PHKA1: variants seen among roughly 807,000 people sequenced by gnomAD.
PHKA1 encodes phosphorylase kinase regulatory subunit alpha 1, also known as phosphorylase b kinase regulatory subunit alpha, skeletal muscle isoform.
A neutral mutation model predicts 110.2 loss-of-function variants in PHKA1; 60 were observed. That is an observed-to-expected ratio of 0.54 (90% CI 0.44 to 0.68). The LOEUF (loss-of-function observed/expected upper bound fraction) is 0.68. Among genes scored for constraint, PHKA1 ranks in the 30% least tolerant of loss-of-function variants. The pLI, the probability that PHKA1 is intolerant of heterozygous loss-of-function variation, is 0.00. For missense variants in PHKA1, 801 were observed against 942.5 expected, an observed-to-expected ratio of 0.85 and a Z score of 1.97; for synonymous variants, 316 against 333.6, an observed-to-expected ratio of 0.95 and a Z score of 0.58.
intron 4 of PHKA1, among the ~76,000 whole-genome samples, chrX:72,685,830 C>G (rs1405030883): frequency 1.8e-5 from 2 of 111,760 alleles, no homozygotes; most frequent in Non-Finnish European, 3.8e-5. Context: ...AACTTTTAAG[C>G]TTCTCATATT....
intron 17 of PHKA1, among the ~76,000 whole-genome samples, chrX:72,624,464 T>G (rs58654103): frequency 2.7e-5 from 3 of 111,167 alleles, no homozygotes; most frequent in African/African-American, 9.8e-5. Flanking sequence ...TATGCCAATA[T>G]GCCACAGTGA....
At chrX:72,679,347 C>A (rs2053815529) in intron 5 of PHKA1, among the ~76,000 whole-genome samples, 1 of 108,868 alleles carries the variant, frequency 9.2e-6, no homozygotes, top group African/African-American at 3.4e-5. Context: ...CTGAACAAAG[C>A]TCGGGAATAT....
chrX:72,582,876 A>G (rs1382465292), intron 30 of PHKA1, among the ~76,000 whole-genome samples: 1 of 111,874 alleles, frequency 8.9e-6, no homozygotes, highest in African/African-American at 3.3e-5. Context: ...TCCATATAGA[A>G]GAGTACTTAT....
chrX:72,655,444 G>A (rs1490672036), intron 10 of PHKA1, among the ~76,000 whole-genome samples: 1 of 111,247 alleles, frequency 9.0e-6, no homozygotes, highest in Non-Finnish European at 1.9e-5. Flanking sequence ...GATTGCATAC[G>A]TATCATTATA....
At chrX:72,617,988 C>T (rs965843265) in intron 21 of PHKA1, among the ~76,000 whole-genome samples, 13 of 111,235 alleles carry the variant, frequency 1.2e-4, no homozygotes, top group Middle Eastern at 4.6e-3. Context: ...ATTATAAAAC[C>T]CCCAATTTAG....
chrX:72,670,412 G>T (rs1556308462), intron 6 of PHKA1, among the ~76,000 whole-genome samples: 1 of 111,448 alleles, frequency 9.0e-6, no homozygotes, highest in African/African-American at 3.3e-5. Context: ...GGCTTTTGTT[G>T]CCATTGCTTT....
At chrX:72,702,207 G>A (rs1424746753) in intron 3 of PHKA1, among the ~76,000 whole-genome samples, 1 of 111,246 alleles carries the variant, frequency 9.0e-6, no homozygotes, top group Admixed American at 9.5e-5. Context: ...CAGCACTTTG[G>A]GAGGCCGAGG....
At chrX:72,653,705 T>A (rs930671093) in intron 10 of PHKA1, among the ~76,000 whole-genome samples, 175 bp from the exon 11 acceptor site, 6 of 112,172 alleles carry the variant, frequency 5.3e-5, no homozygotes, top group African/African-American at 1.9e-4. Flanking sequence ...TGCTAGGAGT[T>A]TTGCATACTT....
chrX:72,608,572 T>C (rs2052763707), intron 23 of PHKA1, among the ~76,000 whole-genome samples: 1 of 111,082 alleles, frequency 9.0e-6, no homozygotes, highest in Non-Finnish European at 1.9e-5. Flanking sequence ...AAGCCCGCGG[T>C]GGTGAAGCTT....
At position 72,593,204 on chromosome X, in the gene PHKA1, T is replaced by C. The variant is rs151120187; in HGVS notation, c.3143A>G (p.Asp1048Gly). The C allele has an allele frequency of 5.8e-5, 70 of 1,197,655 alleles. No individual in the cohort carries two copies. Among genetic ancestry groups the C allele is most frequent in the Non-Finnish European group, 7.4e-5 (65 of 883,542 alleles). The stretch of plus-strand genomic sequence containing the variant: ...GCGTTGCCATTGACCTTGACGACTA[T>C]CTTTAGATGACTGCTGATCATATGC... ...PSAYDQQSSK[D>G]SRQGQWQRRR... is the part of the protein sequence containing the mutation. The change falls in exon 29 of 32, where the codon GAT (aspartate) becomes GGT (glycine). Residue 1048 changes from aspartate (D) to glycine (G), a missense_variant. This residue lies in a region of PHKA1 where 502 missense variants were observed against 519.2 expected (regional missense o/e 0.97). Coordinates refer to ENST00000373542, the MANE Select transcript of PHKA1 (RefSeq NM_002637.4).
Position 72,580,938 on chromosome X carries a change from T to C in PHKA1, c.*64A>G, listed in dbSNP as rs2052325755. 1 of 1,011,966 alleles carries C rather than the reference T, an allele frequency of 9.9e-7. No homozygotes were observed. Among genetic ancestry groups the C allele is most frequent in the South Asian group, 2.0e-5 (1 of 50,571 alleles). 83.4% of individuals were successfully genotyped at this position (1,011,966 alleles called of 1,213,427 possible). A position where few individuals can be genotyped will look rare whatever the true frequency, so the allele number is the denominator to read the frequency against. On this transcript the variant is annotated 3_prime_UTR_variant, in exon 32 of 32. Transcript: ENST00000373542. The stretch of plus-strand genomic sequence containing the variant: ...ATTAGGCAATAACATTTTAGTTCCA[T>C]GCACAATCAACCGAGGCAGGGACCA...
chrX:72,696,904 C>G (rs2054125956), intron 3 of PHKA1, among the ~76,000 whole-genome samples: 2 of 111,581 alleles, frequency 1.8e-5, no homozygotes, highest in Non-Finnish European at 3.8e-5. Context: ...CTTGATGGCT[C>G]AAACCAACAG....
At position 72,644,353 on chromosome X, in the gene PHKA1, TCTC is replaced by T. The variant is rs782679415; in HGVS notation, c.1459+6_1459+8del. 7.2e-5 allele frequency: 87 copies of T among 1,206,367 alleles called. No individual in the cohort carries two copies. The highest frequency in any genetic ancestry group is 2.7e-4 in the South Asian group (15 of 56,331). On this transcript the variant is annotated splice_donor_region_variant and intron_variant, in intron 14 of 31. Transcript: ENST00000373542. ...GCTTTGATTCTAGCAGGCTAGCCAATCTCCTTACCTAGGCTGGAATAAATGTGG... is the reference window on the plus strand; with the variant it reads ...GCTTTGATTCTAGCAGGCTAGCCAATCTTACCTAGGCTGGAATAAATGTGG...
intron 28 of PHKA1, among the ~76,000 whole-genome samples, chrX:72,595,378 G>A (rs1319114329): frequency 1.8e-5 from 2 of 111,005 alleles, no homozygotes; most frequent in Non-Finnish European, 3.8e-5. Context: ...TCCCCCCGAA[G>A]ATCAGAACAA....
At chrX:72,649,004 C>T (rs1233680537) in intron 13 of PHKA1, among the ~76,000 whole-genome samples, 1 of 111,639 alleles carries the variant, frequency 9.0e-6, no homozygotes, top group Non-Finnish European at 1.9e-5. Flanking sequence ...AAGAGGAAGG[C>T]TGTAGCCAGG....
chrX:72,653,435 C>T lies in PHKA1; in HGVS notation c.1137G>A (p.Arg379=). The stretch of plus-strand genomic sequence containing the variant: ...CATGTTATGGCACTGTCTGACTCAC[C>T]CTGTCAGGAGGAACACTGTACAGCT... The part of the protein sequence containing the change: ...LPELYSVPPD[R]VDEEYQNPHT... The change falls in exon 11 of 32, where the codon AGG becomes AGA. Residue 379 remains arginine (R), a splice_region_variant and synonymous_variant. Coordinates refer to ENST00000373542, the MANE Select transcript of PHKA1 (RefSeq NM_002637.4). 8.4e-7 allele frequency: 1 copy of T among 1,188,082 alleles called. No homozygotes were observed. The highest frequency in any genetic ancestry group is 1.1e-6 in the Non-Finnish European group (1 of 874,569).
chrX:72,678,696 C>T lies in PHKA1; in HGVS notation c.538-2546G>A, dbSNP rs1005046528. On this transcript the variant is annotated intron_variant, in intron 5 of 31. Coordinates refer to ENST00000373542, the MANE Select transcript of PHKA1 (RefSeq NM_002637.4). Reference sequence around the variant, plus strand: ...TGTGCTTCTGGTGAATATGAAGTCACAGGTTCCAGATTTACCTTCCCACCT... The same window carrying T: ...TGTGCTTCTGGTGAATATGAAGTCATAGGTTCCAGATTTACCTTCCCACCT... 3.8e-4 allele frequency among the ~76,000 whole-genome samples: 43 copies of T among 111,940 alleles called. No homozygotes were observed. In the Admixed American group the frequency reaches 4.1e-3, roughly 11 times the overall value.
intron 29 of PHKA1, among the ~76,000 whole-genome samples, chrX:72,588,413 C>T (rs1195011838): frequency 9.0e-6 from 1 of 111,462 alleles, no homozygotes; most frequent in Non-Finnish European, 1.9e-5. Context: ...CAGAATCTCT[C>T]GGACATTGAA....
chrX:72,602,126 T>C, intron 27 of PHKA1, 32 bp downstream of exon 27: 1 of 1,067,590 alleles, frequency 9.4e-7, no homozygotes, highest in Non-Finnish European at 1.3e-6. Flanking sequence ...AACATGGCAA[T>C]ATCCCAGCTA....
Sources: gnomAD v4.1 joint callset for allele counts (sites outside exome capture counted in the v4.1 genomes callset) on GRCh38, gnomAD v4.1.1 for gene constraint, gnomAD v4.1.1 regional missense constraint, MANE v1.5 for transcripts, NCBI Gene and HGNC (gene_info 2026-07-23, HGNC 2026-07-21) for gene names.